Variants in PIEZO2 observed in about 807,000 individuals in gnomAD.
The protein encoded by PIEZO2 is piezo-type mechanosensitive ion channel component 2.
Under a neutral mutation model 337.3 loss-of-function variants are expected in PIEZO2, and 172 were observed. That is an observed-to-expected ratio of 0.51 (90% CI 0.45 to 0.58). The LOEUF (loss-of-function observed/expected upper bound fraction) is 0.58, where lower values mean the gene tolerates loss of function less well. PIEZO2 is among the 20% of genes least tolerant of loss of function. PIEZO2 has a pLI of 0.00. For synonymous variants in PIEZO2, 1,251 were observed against 1,228.5 expected, an observed-to-expected ratio of 1.02 and a Z score of -0.38; for missense variants, 3,028 against 3,391.3, an observed-to-expected ratio of 0.89 and a Z score of 2.66.
At chr18:11,140,484 T>C (rs947994833) in intron 1 of PIEZO2, among the ~76,000 whole-genome samples, 3 of 152,226 alleles carry the variant, frequency 2.0e-5, no homozygotes, top group Non-Finnish European at 4.4e-5. Flanking sequence ...CCACACACTT[T>C]CCTCTAATTT....
rs1438275496 is a variant in PIEZO2, at chr18:10,837,733, T to C, written c.917+17620A>G. ...AATGTTTGTGTTCCCAACCATTTTA[T>C]AAAATTTCCTCATTTTTTTTTGTTG... On this transcript the variant is annotated intron_variant, in intron 7 of 55. Coordinates refer to ENST00000674853, the MANE Select transcript of PIEZO2 (RefSeq NM_001378183.1). This position sits in a 1 kb window ranked among gnomAD's most constrained non-coding sequence, Gnocchi z 4.4. 6.6e-6 allele frequency among the ~76,000 whole-genome samples: 1 copy of C among 152,100 alleles called. No individual in the cohort carries two copies. Among genetic ancestry groups the C allele is most frequent in the African/African-American group, 2.4e-5 (1 of 41,400 alleles).
chr18:11,055,564 C>T (rs2145870745), intron 2 of PIEZO2, among the ~76,000 whole-genome samples: 1 of 152,340 alleles, frequency 6.6e-6, no homozygotes, highest in Non-Finnish European at 1.5e-5. Flanking sequence ...TGTGACAGCA[C>T]AGAGGTGCCA....
intron 2 of PIEZO2, among the ~76,000 whole-genome samples, chr18:10,981,218 A>AT (rs935212261): frequency 3.9e-5 from 6 of 151,902 alleles, no homozygotes; most frequent in African/African-American, 9.7e-5. Flanking sequence ...TTGACTGATA[A>AT]TTTTTTTTAA....
Position 10,677,502 on chromosome 18 carries a change from G to A in PIEZO2, c.8081+245C>T. 1 of 379,864 alleles carries A rather than the reference G, an allele frequency of 2.6e-6. No homozygotes were observed. The highest frequency in any genetic ancestry group is 4.7e-6 in the Non-Finnish European group (1 of 212,014). The allele number at this position is 379,864 out of a possible 1,614,324, so 23.5% of individuals were successfully genotyped here. On this transcript the variant is annotated intron_variant, in intron 53 of 55. Coordinates refer to ENST00000674853, the MANE Select transcript of PIEZO2 (RefSeq NM_001378183.1). The surrounding 1 kb of genome is among the most constrained non-coding windows in gnomAD (Gnocchi z 4.1). ...CAACATGCTGGGATTACAGGCATGA[G>A]CCACCATGCCTGGCCCAAACCCTCA...
rs77805105 is a variant in PIEZO2 at position 10,714,566 on chromosome 18, T to C, written c.5423+198A>G. On this transcript the variant is annotated intron_variant, in intron 39 of 55. Transcript: ENST00000674853. ...TATAGCTAATAGTGTCTTATTGATA[T>C]CTGCTTTTATTTGGTTCCTTCTAGG... 0.039 allele frequency among the ~76,000 whole-genome samples: 6,002 copies of C among 152,256 alleles called. 201 individuals are homozygous for C. The highest frequency in any genetic ancestry group is 0.1 in the Admixed American group (1,542 of 15,296).
intron 3 of PIEZO2, among the ~76,000 whole-genome samples, chr18:10,970,031 C>G (rs1045789759): frequency 2.6e-5 from 4 of 152,176 alleles, no homozygotes; most frequent in Non-Finnish European, 5.9e-5. Context: ...AGGTTCTACC[C>G]TTAATTTGAT....
intron 3 of PIEZO2, among the ~76,000 whole-genome samples, chr18:10,947,678 T>C (rs928830286): frequency 6.6e-6 from 1 of 152,118 alleles, no homozygotes; most frequent in Non-Finnish European, 1.5e-5. Context: ...GCACTAGAAA[T>C]GGTCACTACA....
At position 10,855,978 on chromosome 18, in the gene PIEZO2, CT is replaced by C. The variant is rs1011959974; in HGVS notation, c.704-413del. Among the ~76,000 whole-genome samples the C allele has an allele frequency of 3.2e-3, 477 of 146,994 alleles. No individual in the cohort carries two copies. The highest frequency in any genetic ancestry group is 0.014 in the Middle Eastern group (4 of 288). ...CCATTTTCTTTATAATAATTTACTA[CT>C]TTTTTTTTTTAAGTTAACTAGTACA... On this transcript the variant is annotated intron_variant, in intron 6 of 55. Coordinates refer to ENST00000674853, the MANE Select transcript of PIEZO2 (RefSeq NM_001378183.1). This position sits in a 1 kb window ranked among gnomAD's most constrained non-coding sequence, Gnocchi z 4.9.
intron 2 of PIEZO2, among the ~76,000 whole-genome samples, chr18:11,050,910 A>C (rs958036296): frequency 7.3e-5 from 11 of 151,022 alleles, no homozygotes; most frequent in African/African-American, 2.0e-4. Flanking sequence ...AAAAAAAAAA[A>C]CTCAAATGAT....
At chr18:10,876,214 C>G (rs1211061566) in intron 4 of PIEZO2, among the ~76,000 whole-genome samples, 1 of 152,058 alleles carries the variant, frequency 6.6e-6, no homozygotes, top group Non-Finnish European at 1.5e-5. Flanking sequence ...CAAAACAAGA[C>G]AAAAGAGAAA....
chr18:11,083,533 C>T lies in PIEZO2; in HGVS notation c.65-17311G>A, dbSNP rs1458894770. Among the ~76,000 whole-genome samples the T allele has an allele frequency of 6.6e-6, 1 of 152,182 alleles. No homozygotes were observed. Among genetic ancestry groups the T allele is most frequent in the African/African-American group, 2.4e-5 (1 of 41,444 alleles). ...AAGCCTGTACACAAAGGGGGAGCCA[C>T]TCAGGTGGTGCCAGCCCTGCAGGGC... On this transcript the variant is annotated intron_variant, in intron 1 of 55. Transcript: ENST00000674853. This position sits in a 1 kb window ranked among gnomAD's most constrained non-coding sequence, Gnocchi z 4.4.
At chr18:10,970,158 G>A (rs759040231) in intron 3 of PIEZO2, among the ~76,000 whole-genome samples, 1 of 152,186 alleles carries the variant, frequency 6.6e-6, no homozygotes, top group Non-Finnish European at 1.5e-5. Context: ...CTACCTGGGG[G>A]TATTAACTCG....
At chr18:10,686,248 C>T (rs539117334) in intron 49 of PIEZO2, among the ~76,000 whole-genome samples, 4 of 152,294 alleles carry the variant, frequency 2.6e-5, no homozygotes, top group East Asian at 3.9e-4. Context: ...AGCAATCTAG[C>T]GAATATAAGA....
chr18:11,122,157 A>G (rs8098882), intron 1 of PIEZO2, among the ~76,000 whole-genome samples: 150,744 of 152,080 alleles, frequency 0.99, 74,713 homozygotes, highest in East Asian at 1. Flanking sequence ...GGGTTTCACC[A>G]TGTTAGCCAG....
chr18:10,673,993 T>C lies in PIEZO2; in HGVS notation c.8162-1120A>G, dbSNP rs976340200. Among the ~76,000 whole-genome samples the C allele has an allele frequency of 6.6e-6, 1 of 152,198 alleles. No individual in the cohort carries two copies. Among genetic ancestry groups the C allele is most frequent in the African/African-American group, 2.4e-5 (1 of 41,460 alleles). On this transcript the variant is annotated intron_variant, in intron 54 of 55. Transcript: ENST00000674853. This position sits in a 1 kb window ranked among gnomAD's most constrained non-coding sequence, Gnocchi z 4.8. ...ACATTCAACACTGTCCTAGGCCACA[T>C]GCAGCCCATGGGCTGCAGGTTGGAA...
At chr18:11,024,547 G>GAA (rs569472740) in intron 2 of PIEZO2, among the ~76,000 whole-genome samples, 12 of 104,046 alleles carry the variant, frequency 1.2e-4, no homozygotes, top group Non-Finnish European at 2.0e-4. Flanking sequence ...CTCTGTCTCA[G>GAA]AAAAAAAAAA....
At position 10,850,633 on chromosome 18, in the gene PIEZO2, A is replaced by T. The variant is rs1417332774; in HGVS notation, c.917+4720T>A. On this transcript the variant is annotated intron_variant, in intron 7 of 55. Transcript: ENST00000674853. This position sits in a 1 kb window ranked among gnomAD's most constrained non-coding sequence, Gnocchi z 4.5. ...TAGCTACACAATCACTTTGCACTCT[A>T]TGAAAATTACATTTTAGAACATTTT... Among the ~76,000 whole-genome samples, 2 of 152,220 alleles carry T rather than the reference A, an allele frequency of 1.3e-5. No homozygotes were observed. Among genetic ancestry groups the T allele is most frequent in the African/African-American group, 4.8e-5 (2 of 41,470 alleles).
At chr18:11,082,162 T>A (rs908100666) in intron 1 of PIEZO2, among the ~76,000 whole-genome samples, 4 of 152,212 alleles carry the variant, frequency 2.6e-5, no homozygotes, top group Non-Finnish European at 5.9e-5. Context: ...GCAGCTACTT[T>A]ATCAGTAAGA....
At chr18:10,879,474 C>T (rs1389610711) in intron 4 of PIEZO2, among the ~76,000 whole-genome samples, 1 of 143,098 alleles carries the variant, frequency 7.0e-6, no homozygotes, top group Non-Finnish European at 1.5e-5. Flanking sequence ...CGGCTCACTG[C>T]AAGCTCCGCC....
Sources: allele counts gnomAD v4.1 joint callset (sites outside exome capture counted in the v4.1 genomes callset), GRCh38; gene constraint gnomAD v4.1.1; non-coding constraint Gnocchi (gnomAD v3.1); transcripts MANE v1.5; gene names NCBI Gene and HGNC (gene_info 2026-07-23, HGNC 2026-07-21).